The following MPHOSPH8 variants were observed in gnomAD, a reference collection of about 807,000 sequenced individuals.
The protein encoded by MPHOSPH8 is M-phase phosphoprotein 8.
Under a neutral mutation model 87.3 loss-of-function variants are expected in MPHOSPH8, and 45 were observed. The ratio of observed to expected loss-of-function variants is 0.52; its 90% confidence interval spans 0.41 to 0.66. MPHOSPH8 has a LOEUF of 0.66. MPHOSPH8 is among the 30% of genes least tolerant of loss of function. The probability of loss-of-function intolerance (pLI) is 0.00; values close to 1 mark genes in which losing one functional copy is unlikely to be tolerated. For synonymous variants in MPHOSPH8, 366 were observed against 376.9 expected (o/e 0.97, Z 0.33); for missense variants, 883 against 1,020.2 (o/e 0.87, Z 1.83).
In MPHOSPH8 at chr13:19,670,306, A is replaced by AC; in HGVS notation, c.2402dup (p.Cys802ValfsTer2). On this transcript the variant is annotated frameshift_variant, in exon 12 of 14. Coordinates refer to ENST00000361479, the MANE Select transcript of MPHOSPH8 (RefSeq NM_017520.4). LOFTEE classifies it high-confidence loss of function. ...AAGAAGTTATTGCTCGGCTCTGTGG[A>AC]CCGTGTAGTGTACAAGCTGTAGTTC... is the stretch of plus-strand genomic sequence containing the variant. 6.2e-7 allele frequency: 1 copy of AC among 1,614,152 alleles called. No individual in the cohort carries two copies. Among genetic ancestry groups the AC allele is most frequent in the South Asian group, 1.1e-5 (1 of 91,084 alleles).
At chr13:19,651,827 C>T (rs922759884) in intron 5 of MPHOSPH8, among the ~76,000 whole-genome samples, 3 of 152,106 alleles carry the variant, frequency 2.0e-5, no homozygotes, top group South Asian at 2.1e-4. Flanking sequence ...GGGCTGGGCA[C>T]GGCGGCTCAC....
At chr13:19,656,049 C>T (rs976190677) in intron 5 of MPHOSPH8, among the ~76,000 whole-genome samples, 1 of 151,936 alleles carries the variant, frequency 6.6e-6, no homozygotes, top group Admixed American at 6.6e-5. Flanking sequence ...TACAGTGAGA[C>T]GAGATCGCGC....
intron 4 of MPHOSPH8, among the ~76,000 whole-genome samples, chr13:19,649,074 G>T (rs1377143194): frequency 1.3e-5 from 2 of 152,154 alleles, no homozygotes; most frequent in East Asian, 3.8e-4. Flanking sequence ...TTAAAAGTAA[G>T]TTTTTTTCTA....
At chr13:19,635,998 G>A (rs1873986403) in intron 1 of MPHOSPH8, among the ~76,000 whole-genome samples, 2 of 152,152 alleles carry the variant, frequency 1.3e-5, no homozygotes, top group African/African-American at 2.4e-5. Flanking sequence ...CTGTGAAGAA[G>A]GTGCCTGCTT....
chr13:19,641,321 ATTT>A (rs35454448), intron 1 of MPHOSPH8, among the ~76,000 whole-genome samples: 29 of 106,448 alleles, frequency 2.7e-4, no homozygotes, highest in East Asian at 5.4e-4. Flanking sequence ...TGCCCAGCTA[ATTT>A]TTTTTTTTTT....
chr13:19,662,289 C>T (rs974856783), intron 8 of MPHOSPH8, among the ~76,000 whole-genome samples: 1 of 152,058 alleles, frequency 6.6e-6, no homozygotes, highest in Non-Finnish European at 1.5e-5. Context: ...AATAAGGTCT[C>T]ACTCTGTCAC....
chr13:19,648,653 A>G (rs939001810), intron 4 of MPHOSPH8, 132 bp downstream of exon 4: 1 of 321,214 alleles, frequency 3.1e-6, no homozygotes, highest in African/African-American at 2.2e-5. Flanking sequence ...CCTTTTTAAT[A>G]TGATGAGGGA....
intron 3 of MPHOSPH8, among the ~76,000 whole-genome samples, chr13:19,647,764 T>C (rs1181839177): frequency 1.3e-5 from 2 of 152,202 alleles, no homozygotes; most frequent in African/African-American, 4.8e-5. Context: ...GCAAAATGGA[T>C]ATATTTTCCA....
intron 5 of MPHOSPH8, among the ~76,000 whole-genome samples, chr13:19,655,859 A>G (rs944737095): frequency 6.6e-6 from 1 of 152,182 alleles, no homozygotes; most frequent in African/African-American, 2.4e-5. Context: ...CCTCCCACCT[A>G]TAATCCCAGT....
intron 7 of MPHOSPH8, chr13:19,661,081 A>G: frequency 2.6e-6 from 1 of 381,956 alleles, no homozygotes; most frequent in Non-Finnish European, 3.6e-6. Context: ...TGACATAGCA[A>G]CACCGTCTCA....
rs1873828781 is a variant in MPHOSPH8 at position 19,633,713 on chromosome 13, A to G, written c.-36A>G. On this transcript the variant is annotated 5_prime_UTR_variant, in exon 1 of 14. Transcript: ENST00000361479. ...GAGGGGCTGCTGGGGTGTTTGTCGC[A>G]GCGGGTTTTCCTCGGCGGTTTGCGG... The G allele has an allele frequency of 2.6e-6, 4 of 1,558,446 alleles. No individual in the cohort carries two copies. Among genetic ancestry groups the G allele is most frequent in the Non-Finnish European group, 3.5e-6 (4 of 1,150,888 alleles).
intron 1 of MPHOSPH8, among the ~76,000 whole-genome samples, chr13:19,635,893 C>T (rs1057240349): frequency 6.6e-6 from 1 of 152,062 alleles, no homozygotes. Flanking sequence ...AGTGGTTTCG[C>T]CCATGCTGTT....
At chr13:19,648,713 T>C (rs1874697197) in intron 4 of MPHOSPH8, among the ~76,000 whole-genome samples, 192 bp downstream of exon 4, 1 of 152,086 alleles carries the variant, frequency 6.6e-6, no homozygotes. Context: ...GAAAAATAAA[T>C]GTGTTTTTAT....
In MPHOSPH8 at chr13:19,670,220, C is replaced by G; in HGVS notation, c.2330-16C>G. 6.2e-7 allele frequency: 1 copy of G among 1,613,928 alleles called. No individual in the cohort carries two copies. The highest frequency in any genetic ancestry group is 8.5e-7 in the Non-Finnish European group (1 of 1,179,856). ...GGTTGCCTTTGAAGTAATTCACACA[C>G]ATCTCCCATTTTCAGGCTCTGGCAT... is the stretch of plus-strand genomic sequence containing the variant. On this transcript the variant is annotated splice_polypyrimidine_tract_variant and intron_variant, in intron 11 of 13. Transcript: ENST00000361479.
At position 19,672,460 on chromosome 13, in the gene MPHOSPH8, C is replaced by T. The variant is rs1182227306; in HGVS notation, c.*585C>T. ...CACCCAGCAAGAGTTATTTTCTTAA[C>T]TTGAAATTTTCTACTAGCCCTGGTG... On this transcript the variant is annotated 3_prime_UTR_variant, in exon 14 of 14. Transcript: ENST00000361479. 3 of 142,646 alleles carry T rather than the reference C, an allele frequency of 2.1e-5. No homozygotes were observed. The highest frequency in any genetic ancestry group is 7.9e-5 in the African/African-American group (3 of 37,978). The allele number at this position is 142,646 out of a possible 1,614,324, so 8.8% of individuals were successfully genotyped here. A position where few individuals can be genotyped will look rare whatever the true frequency, so the allele number is the denominator to read the frequency against.
At position 19,672,420 on chromosome 13, in the gene MPHOSPH8, A is replaced by G. The variant is rs1593496385; in HGVS notation, c.*545A>G. ...CGGCCTCCCAAAGTGCTTGGATTAC[A>G]GGCATGAGCCACCGCACCCAGCAAG... On this transcript the variant is annotated 3_prime_UTR_variant, in exon 14 of 14. Transcript: ENST00000361479. 1.3e-5 allele frequency: 2 copies of G among 152,626 alleles called. No homozygotes were observed. Among genetic ancestry groups the G allele is most frequent in the East Asian group, 3.9e-4 (2 of 5,188 alleles). 9.5% of individuals were successfully genotyped at this position (152,626 alleles called of 1,614,324 possible). A position where few individuals can be genotyped will look rare whatever the true frequency, so the allele number is the denominator to read the frequency against.
chr13:19,633,716 G>A lies in MPHOSPH8; in HGVS notation c.-33G>A. 1 of 1,561,492 alleles carries A rather than the reference G, an allele frequency of 6.4e-7. No homozygotes were observed. Among genetic ancestry groups the A allele is most frequent in the South Asian group, 1.2e-5 (1 of 84,954 alleles). The stretch of plus-strand genomic sequence containing the variant: ...GGGCTGCTGGGGTGTTTGTCGCAGC[G>A]GGTTTTCCTCGGCGGTTTGCGGAGC... On this transcript the variant is annotated 5_prime_UTR_variant, in exon 1 of 14. Coordinates refer to ENST00000361479, the MANE Select transcript of MPHOSPH8 (RefSeq NM_017520.4).
chr13:19,657,988 T>C (rs1355981403), intron 5 of MPHOSPH8, among the ~76,000 whole-genome samples: 4 of 152,204 alleles, frequency 2.6e-5, no homozygotes, highest in African/African-American at 9.7e-5. Context: ...GGTTATTGTG[T>C]ATGGAGGAAA....
At chr13:19,669,513 C>CT (rs56315114) in intron 11 of MPHOSPH8, among the ~76,000 whole-genome samples, 99,526 of 133,446 alleles carry the variant, frequency 0.75, 38,249 homozygotes, top group East Asian at 0.96. Context: ...CATCCACCAA[C>CT]TTTTTTTTTT....
Sources: allele counts gnomAD v4.1 joint callset (sites outside exome capture counted in the v4.1 genomes callset), GRCh38; gene constraint gnomAD v4.1.1; transcripts MANE v1.5; gene names NCBI Gene and HGNC (gene_info 2026-07-23, HGNC 2026-07-21).